Variants in CYP4X1 observed in about 807,000 individuals in gnomAD.
CYP4X1 encodes cytochrome P450 family 4 subfamily X member 1.
Under a neutral mutation model 57.9 loss-of-function variants are expected in CYP4X1, and 44 were observed. The observed-to-expected ratio is 0.76, with a 90% CI of 0.60 to 0.98. The LOEUF (loss-of-function observed/expected upper bound fraction) is 0.98, where lower values mean the gene tolerates loss of function less well. Among genes scored for constraint, CYP4X1 ranks in the 50% least tolerant of loss-of-function variants. The probability of loss-of-function intolerance (pLI) is 0.00; values close to 1 mark genes in which losing one functional copy is unlikely to be tolerated. For missense variants in CYP4X1, 532 were observed against 623.9 expected (o/e 0.85, Z 1.57); for synonymous variants, 227 against 228.6 (o/e 0.99, Z 0.06).
At chr1:47,009,717 G>A in the CYP4X1 span, among the ~76,000 whole-genome samples, 42,040 of 152,028 alleles carry the variant, frequency 0.28, 6,104 homozygotes, top group East Asian at 0.51. Flanking sequence ...AATAAAAAGT[G>A]ATAAAGGGGA....
At chr1:46,966,910 A>G in the CYP4X1 span, among the ~76,000 whole-genome samples, 5 of 152,342 alleles carry the variant, frequency 3.3e-5, no homozygotes, top group East Asian at 9.6e-4. Flanking sequence ...AGAGTTAGCA[A>G]AAGTATGACT....
At chr1:47,012,064 T>C in the CYP4X1 span, among the ~76,000 whole-genome samples, 1 of 152,224 alleles carries the variant, frequency 6.6e-6, no homozygotes, top group African/African-American at 2.4e-5. Flanking sequence ...ACTGGGTATA[T>C]ACCCAAAGGA....
chr1:47,023,010 C>T (rs909340445), upstream of CYP4X1, among the ~76,000 whole-genome samples: 7 of 152,184 alleles, frequency 4.6e-5, no homozygotes, highest in African/African-American at 1.7e-4. Context: ...ATGTTTCTGG[C>T]ATCTAGAGTC....
At chr1:47,029,162 A>G (rs1276782042) in intron 1 of CYP4X1, among the ~76,000 whole-genome samples, 1 of 152,214 alleles carries the variant, frequency 6.6e-6, no homozygotes, top group Non-Finnish European at 1.5e-5. Context: ...ATTACTTTGC[A>G]GCGGGGGACT....
chr1:47,012,122 T>C, the CYP4X1 span, among the ~76,000 whole-genome samples: 1 of 152,190 alleles, frequency 6.6e-6, no homozygotes, highest in Admixed American at 6.5e-5. Flanking sequence ...ATGCTTATTG[T>C]GGCACTATTC....
At chr1:47,045,225 G>A (rs1644288805) in intron 8 of CYP4X1, among the ~76,000 whole-genome samples, 1 of 152,068 alleles carries the variant, frequency 6.6e-6, no homozygotes, top group Admixed American at 6.5e-5. Context: ...TAAGTAATCA[G>A]AAAAACATAT....
the CYP4X1 span, among the ~76,000 whole-genome samples, chr1:46,992,356 A>G: frequency 6.6e-6 from 1 of 152,192 alleles, no homozygotes; most frequent in Non-Finnish European, 1.5e-5. Flanking sequence ...ACCTATTTCC[A>G]AAACATTTTC....
At chr1:46,976,470 G>A in the CYP4X1 span, among the ~76,000 whole-genome samples, 11 of 152,126 alleles carry the variant, frequency 7.2e-5, no homozygotes, top group African/African-American at 1.5e-4. Flanking sequence ...GGAGCCCACC[G>A]CAGCTCAATG....
chr1:47,023,491 T>G, upstream of CYP4X1: 2 of 1,043,232 alleles, frequency 1.9e-6, no homozygotes, highest in Non-Finnish European at 1.2e-6. Context: ...GACCTCAGCT[T>G]TAGCATTATT....
downstream of CYP4X1, among the ~76,000 whole-genome samples, chr1:47,055,077 A>G (rs1644384960): frequency 6.6e-6 from 1 of 152,152 alleles, no homozygotes; most frequent in Non-Finnish European, 1.5e-5. Context: ...AGCTCTTACT[A>G]TTTTGAGATA....
chr1:46,980,905 G>A, the CYP4X1 span, among the ~76,000 whole-genome samples: 2 of 151,834 alleles, frequency 1.3e-5, no homozygotes, highest in South Asian at 2.1e-4. Context: ...AAAATAAATG[G>A]TGCTGGGAAA....
chr1:47,037,272 ATTT>A (rs34146521), intron 6 of CYP4X1, among the ~76,000 whole-genome samples: 4 of 115,856 alleles, frequency 3.5e-5, no homozygotes, highest in Admixed American at 9.1e-5. Flanking sequence ...AACCTTTTCA[ATTT>A]TTTTTTTTTT....
Position 47,033,259 on chromosome 1 carries a change from T to C in CYP4X1, c.383T>C (p.Leu128Pro). ...TCTCAAGGAAAAGGACTAGCGGCTC[T>C]AGACGGACCCAAGTGGTTCCAGCAT... Reference protein sequence around the residue: ...PPLLGKGLAALDGPKWFQHRR... With the variant: ...PPLLGKGLAAPDGPKWFQHRR... Residue 128 changes from leucine (L) to proline (P), a missense_variant, in exon 4 of 12, where the codon CTA becomes CCA. Transcript: ENST00000371901. The C allele has an allele frequency of 1.2e-6, 2 of 1,613,708 alleles. No homozygotes were observed. Among genetic ancestry groups the C allele is most frequent in the Non-Finnish European group, 1.7e-6 (2 of 1,179,792 alleles).
At chr1:47,034,747 A>G (rs1335270983) in intron 4 of CYP4X1, among the ~76,000 whole-genome samples, 1 of 152,014 alleles carries the variant, frequency 6.6e-6, no homozygotes, top group Non-Finnish European at 1.5e-5. Flanking sequence ...GCACAGTTTC[A>G]GATCCTCCAG....
chr1:46,975,336 G>T, the CYP4X1 span, among the ~76,000 whole-genome samples: 1 of 152,076 alleles, frequency 6.6e-6, no homozygotes, highest in Admixed American at 6.5e-5. Flanking sequence ...CACCCCCCTG[G>T]GACCTTTTGT....
chr1:46,977,528 T>A, the CYP4X1 span, among the ~76,000 whole-genome samples: 1 of 151,918 alleles, frequency 6.6e-6, no homozygotes, highest in Non-Finnish European at 1.5e-5. Context: ...ACCGAGAGAA[T>A]GGAGCCAAGT....
upstream of CYP4X1, among the ~76,000 whole-genome samples, chr1:47,021,201 G>T (rs35674170): frequency 3.1e-5 from 4 of 127,488 alleles, no homozygotes; most frequent in African/African-American, 1.2e-4. Flanking sequence ...TTGGCCTCCA[G>T]AATCATATTT....
chr1:47,002,659 G>A, the CYP4X1 span, among the ~76,000 whole-genome samples: 1 of 152,222 alleles, frequency 6.6e-6, no homozygotes, highest in South Asian at 2.1e-4. Flanking sequence ...CCATTTTGGA[G>A]TGTATGTGTC....
At chr1:46,995,015 A>G in the CYP4X1 span, among the ~76,000 whole-genome samples, 7 of 152,234 alleles carry the variant, frequency 4.6e-5, no homozygotes, top group African/African-American at 1.7e-4. Flanking sequence ...CTCTACTCCA[A>G]TACTCCCTGT....
Sources: allele counts gnomAD v4.1 joint callset (sites outside exome capture counted in the v4.1 genomes callset), GRCh38; gene constraint gnomAD v4.1.1; transcripts MANE v1.5; gene names NCBI Gene and HGNC (gene_info 2026-07-23, HGNC 2026-07-21).